SACS: variants seen among roughly 807,000 people sequenced by gnomAD.
The protein encoded by SACS is sacsin molecular chaperone.
Under a neutral mutation model 348.0 loss-of-function variants are expected in SACS, and 197 were observed. That is an observed-to-expected ratio of 0.57 (90% CI 0.50 to 0.64). SACS has a LOEUF of 0.64. SACS is among the 30% of genes least tolerant of loss of function. SACS has a pLI of 0.00. For synonymous variants in SACS, 1,985 were observed against 1,910.6 expected, an observed-to-expected ratio of 1.04 and a Z score of -1.02; for missense variants, 4,999 against 5,360.8, an observed-to-expected ratio of 0.93 and a Z score of 2.11.
At position 23,343,262 on chromosome 13, in the gene SACS, A is replaced by C. The variant is rs574909122; in HGVS notation, c.2186-1572T>G. ...TATAACATTTATAATATCAGTAGGA[A>C]CAAAATGAAAAAAAATAACACCATA... On this transcript the variant is annotated intron_variant, in intron 9 of 9. Transcript: ENST00000382292. Among the ~76,000 whole-genome samples the C allele has an allele frequency of 2.0e-5, 3 of 152,364 alleles. No homozygotes were observed. The East Asian group carries it at 5.8e-4, about 29-fold the overall frequency.
At chr13:23,390,870 AG>A (rs1429260093) in intron 2 of SACS, among the ~76,000 whole-genome samples, 1 of 152,154 alleles carries the variant, frequency 6.6e-6, no homozygotes, top group Non-Finnish European at 1.5e-5. Context: ...CCCCTCATTC[AG>A]GTGTTTACAC....
Position 23,335,813 on chromosome 13 carries a change from G to T in SACS, c.8063C>A (p.Thr2688Asn), listed in dbSNP as rs1295208131. 6.2e-6 allele frequency: 10 copies of T among 1,613,962 alleles called. No homozygotes were observed. Among genetic ancestry groups the T allele is most frequent in the Non-Finnish European group, 7.6e-6 (9 of 1,179,902 alleles). The change falls in exon 10 of 10, where the codon ACC (threonine) becomes AAC (asparagine). Residue 2688 changes from threonine (T) to asparagine (N), a missense_variant. Coordinates refer to ENST00000382292, the MANE Select transcript of SACS (RefSeq NM_014363.6). The surrounding 1 kb of genome is among the most constrained non-coding windows in gnomAD (Gnocchi z 4.7). ...TGTGCAATTATCCAGTTTAAAATGG[G>T]TTCCCAGATAAAGATCCAGAACATC... ...FSDVLDLYLG[T>N]HFKLDNCTMF...
chr13:23,413,137 C>T (rs1873560829), intron 1 of SACS, among the ~76,000 whole-genome samples: 1 of 152,156 alleles, frequency 6.6e-6, no homozygotes, highest in Admixed American at 6.5e-5. Flanking sequence ...ACCACCACGC[C>T]CAGCTAATTT....
Position 23,341,705 on chromosome 13 carries a change from C to T in SACS, c.2186-15G>A, listed in dbSNP as rs576582274. ...ACATGGTCTTCCTGTAAATCATACA[C>T]AGAAATGTCATAAATACATATAATT... On this transcript the variant is annotated splice_polypyrimidine_tract_variant and intron_variant, in intron 9 of 9. Coordinates refer to ENST00000382292, the MANE Select transcript of SACS (RefSeq NM_014363.6). 108 of 1,601,224 alleles carry T rather than the reference C, an allele frequency of 6.7e-5. 2 individuals carry two copies. In the South Asian group the frequency reaches 1.1e-3, roughly 16 times the overall value.
chr13:23,421,116 G>A (rs1024584727), intron 1 of SACS, among the ~76,000 whole-genome samples: 2 of 151,936 alleles, frequency 1.3e-5, no homozygotes, highest in Non-Finnish European at 2.9e-5. Flanking sequence ...TGTTCCTCTG[G>A]GGCCTTGTGT....
chr13:23,390,244 A>T (rs912919080), intron 2 of SACS, among the ~76,000 whole-genome samples: 2 of 152,218 alleles, frequency 1.3e-5, no homozygotes, highest in Non-Finnish European at 1.5e-5. Flanking sequence ...AATAACTTAT[A>T]GTAAAGGTTC....
rs1868752429 is a variant in SACS at position 23,337,548 on chromosome 13, G to A, written c.6328C>T (p.Pro2110Ser). 2 of 1,613,678 alleles carry A rather than the reference G, an allele frequency of 1.2e-6. No homozygotes were observed. Among genetic ancestry groups the A allele is most frequent in the Non-Finnish European group, 1.7e-6 (2 of 1,179,910 alleles). ...CCTTCGGGGTGGATCAATCTTGATGGCAAAACCAAAGGATGCCCCTCCAAG... is the reference window on the plus strand; with the variant it reads ...CCTTCGGGGTGGATCAATCTTGATGACAAAACCAAAGGATGCCCCTCCAAG... ...CSLEGHPLVLPSRLIHPEGRV... is the reference protein window; with the variant it reads ...CSLEGHPLVLSSRLIHPEGRV... The change falls in exon 10 of 10, where the codon CCA (proline) becomes TCA (serine). Residue 2110 changes from proline to serine, a missense_variant. Physicochemically the swap from Pro to Ser is moderately conservative, Grantham distance 74 (BLOSUM62 -1). Around this residue, in one of 6 missense-constraint regions of SACS, gnomAD observed 3,156 missense variants for 3,380.1 expected, o/e 0.93. Coordinates refer to ENST00000382292, the MANE Select transcript of SACS (RefSeq NM_014363.6).
rs758054322 is a variant in SACS at position 23,341,137 on chromosome 13, G to A, written c.2739C>T (p.Ser913=). 2 of 1,613,120 alleles carry A rather than the reference G, an allele frequency of 1.2e-6. No homozygotes were observed. Among genetic ancestry groups the A allele is most frequent in the South Asian group, 2.2e-5 (2 of 91,066 alleles). ...GAATAATTCTTTTCTCTTTCTCACT[G>A]CTATCGGTTAAACTAGCCAAGAACT... The part of the protein sequence containing the change: ...LRKFLASLTD[S]SEKEKRIIQE... The change falls in exon 10 of 10, where the codon AGC becomes AGT. Residue 913 remains serine, a synonymous_variant. Coordinates refer to ENST00000382292, the MANE Select transcript of SACS (RefSeq NM_014363.6).
Position 23,341,431 on chromosome 13 carries a change from C to T in SACS, c.2445G>A (p.Val815=). ...RTILEEGQTC[V]ELIRLRIPSL... ...ATGGAATCCTGAGTCTAATGAGTTC[C>T]ACACATGTCTGACCTTCCTCTAGTA... Residue 815 remains valine, a synonymous_variant, in exon 10 of 10, where the codon GTG becomes GTA. Transcript: ENST00000382292. 2 of 1,613,994 alleles carry T rather than the reference C, an allele frequency of 1.2e-6. No homozygotes were observed. The highest frequency in any genetic ancestry group is 2.2e-5 in the South Asian group (2 of 91,068).
chr13:23,401,074 C>T (rs1462259033), intron 2 of SACS, among the ~76,000 whole-genome samples: 3 of 152,014 alleles, frequency 2.0e-5, no homozygotes, highest in African/African-American at 4.8e-5. Flanking sequence ...ATAAGAAGTT[C>T]CTAGAAAATG....
At chr13:23,390,300 C>A (rs531942473) in intron 2 of SACS, among the ~76,000 whole-genome samples, 1 of 152,230 alleles carries the variant, frequency 6.6e-6, no homozygotes, top group Admixed American at 6.5e-5. Context: ...AATCTTCAGT[C>A]TGTTTGACTC....
In SACS at chr13:23,340,619, G is replaced by C. The variant is rs1869118300; in HGVS notation, c.3257C>G (p.Ser1086Cys). Reference sequence around the variant, plus strand: ...GTTTTTTAAACCAATCTGTCTTAAGGAGTGAAGAATATCTGGTGAGGTAAA... The same window carrying C: ...GTTTTTTAAACCAATCTGTCTTAAGCAGTGAAGAATATCTGGTGAGGTAAA... ...SVFTSPDILH[S>C]LRQIGLKNEA... The change falls in exon 10 of 10, where the codon TCC becomes TGC. Residue 1086 changes from serine to cysteine, a missense_variant. Around this residue, in one of 6 missense-constraint regions of SACS, gnomAD observed 3,156 missense variants for 3,380.1 expected, o/e 0.93. Transcript: ENST00000382292. The C allele has an allele frequency of 6.2e-7, 1 of 1,611,032 alleles. No individual in the cohort carries two copies. Among genetic ancestry groups the C allele is most frequent in the Admixed American group, 1.7e-5 (1 of 59,318 alleles).
intron 9 of SACS, among the ~76,000 whole-genome samples, chr13:23,353,383 A>C (rs1870098391): frequency 6.6e-6 from 1 of 152,194 alleles, no homozygotes; most frequent in Non-Finnish European, 1.5e-5. Context: ...ACCTCTCGGC[A>C]CTTGGCTGGT....
chr13:23,331,198 C>T lies in SACS; in HGVS notation c.12678G>A (p.Gln4226=), dbSNP rs776005095. 2 of 1,613,548 alleles carry T rather than the reference C, an allele frequency of 1.2e-6. No individual in the cohort carries two copies. Among genetic ancestry groups the T allele is most frequent in the Non-Finnish European group, 8.5e-7 (1 of 1,179,534 alleles). Residue 4226 remains glutamine (Q), a synonymous_variant, in exon 10 of 10, where the codon CAG becomes CAA. Coordinates refer to ENST00000382292, the MANE Select transcript of SACS (RefSeq NM_014363.6). ...DNSSFLGKIY[Q]IDIGYSEYKI... Reference sequence around the variant, plus strand: ...TATATTCACTATAACCAATATCTATCTGATATATCTTTCCTAGAAAACTAG... The same window carrying T: ...TATATTCACTATAACCAATATCTATTTGATATATCTTTCCTAGAAAACTAG...
In SACS at chr13:23,393,569, C is replaced by G. The variant is rs192850234; in HGVS notation, c.20+17651G>C. Among the ~76,000 whole-genome samples, 6 of 152,232 alleles carry G rather than the reference C, an allele frequency of 3.9e-5. No individual in the cohort carries two copies. The South Asian group carries it at 1.2e-3, about 32-fold the overall frequency. Reference sequence around the variant, plus strand: ...TCTGCCTACTCTCCTGAACACTGGACTCTGCTCTACCACCTGAATTTTTAG... The same window carrying G: ...TCTGCCTACTCTCCTGAACACTGGAGTCTGCTCTACCACCTGAATTTTTAG... On this transcript the variant is annotated intron_variant, in intron 2 of 9. Transcript: ENST00000382292.
At chr13:23,389,813 G>A (rs9507084) in intron 2 of SACS, among the ~76,000 whole-genome samples, 121,349 of 151,748 alleles carry the variant, frequency 0.8, 49,838 homozygotes, top group East Asian at 1. Context: ...AGAAGGATCA[G>A]TTCTACTCTT....
At position 23,335,484 on chromosome 13, in the gene SACS, G is replaced by A; in HGVS notation, c.8392C>T (p.Pro2798Ser). Reference sequence around the variant, plus strand: ...ATAGTATAGGTTATTTGTTGAACTGGTATGTCTTTGAGCTGCCTCTTTTTA... The same window carrying A: ...ATAGTATAGGTTATTTGTTGAACTGATATGTCTTTGAGCTGCCTCTTTTTA... The part of the protein sequence containing the change: ...VTKKRQLKDI[P>S]VQQITYTMDT... The change falls in exon 10 of 10, where the codon CCA (proline) becomes TCA (serine). Residue 2798 changes from proline (P) to serine (S), a missense_variant. This residue lies in a region of SACS where 3,156 missense variants were observed against 3,380.1 expected (regional missense o/e 0.93). Transcript: ENST00000382292. The surrounding 1 kb of genome is among the most constrained non-coding windows in gnomAD (Gnocchi z 4.7). 1.9e-6 allele frequency: 3 copies of A among 1,613,644 alleles called. No individual in the cohort carries two copies. Among genetic ancestry groups the A allele is most frequent in the Non-Finnish European group, 2.5e-6 (3 of 1,179,870 alleles).
Position 23,337,377 on chromosome 13 carries a change from C to T in SACS, c.6499G>A (p.Ala2167Thr). 6.2e-7 allele frequency: 1 copy of T among 1,613,866 alleles called. No homozygotes were observed. The highest frequency in any genetic ancestry group is 8.5e-7 in the Non-Finnish European group (1 of 1,179,884). ...TTATTAATTTCAGCTACTGACACTG[C>T]ACGTTCTAGCATATCATCCCATAAA... ...DILWDDMLER[A>T]VSVAEINKSD... The change falls in exon 10 of 10, where the codon GCA (alanine) becomes ACA (threonine). Residue 2167 changes from alanine to threonine, a missense_variant. Ala to Thr is a moderately conservative substitution (Grantham distance 58). Around this residue, in one of 6 missense-constraint regions of SACS, gnomAD observed 3,156 missense variants for 3,380.1 expected, o/e 0.93. Coordinates refer to ENST00000382292, the MANE Select transcript of SACS (RefSeq NM_014363.6).
intron 6 of SACS, among the ~76,000 whole-genome samples, chr13:23,363,176 T>C (rs1392740565): frequency 6.6e-6 from 1 of 151,824 alleles, no homozygotes; most frequent in East Asian, 1.9e-4. Context: ...CCCAAAGTGC[T>C]GGGATTACAG....
Sources: allele counts gnomAD v4.1 joint callset (sites outside exome capture counted in the v4.1 genomes callset), GRCh38; gene constraint gnomAD v4.1.1; regional missense constraint gnomAD v4.1.1; non-coding constraint Gnocchi (gnomAD v3.1); transcripts MANE v1.5; gene names NCBI Gene and HGNC (gene_info 2026-07-23, HGNC 2026-07-21).